PRKACA: variants seen among roughly 807,000 people sequenced by gnomAD.
PRKACA encodes the protein protein kinase cAMP-activated catalytic subunit alpha.
In PRKACA, 9 loss-of-function variants were observed where a neutral mutation model predicts 45.8. The observed-to-expected ratio is 0.20, with a 90% CI of 0.12 to 0.34. The LOEUF (loss-of-function observed/expected upper bound fraction) is 0.34, where lower values mean the gene tolerates loss of function less well. Among genes scored for constraint, PRKACA ranks in the 10% least tolerant of loss-of-function variants. PRKACA has a pLI of 1.00. For synonymous variants in PRKACA, 160 were observed against 178.6 expected (o/e 0.90, Z 0.83); for missense variants, 238 against 458.6 (o/e 0.52, Z 4.39).
At chr19:14,096,351 GTTTT>G (rs757373093) in intron 8 of PRKACA, 3 of 108,346 alleles carry the variant, frequency 2.8e-5, no homozygotes, top group Admixed American at 8.5e-5. Context: ...CGGCCAGTTT[GTTTT>G]TTTTTTTTTT....
intron 8 of PRKACA, among the ~76,000 whole-genome samples, chr19:14,094,026 G>C (rs896238130): frequency 2.6e-5 from 4 of 151,978 alleles, no homozygotes; most frequent in Non-Finnish European, 4.4e-5. Context: ...TCAAGAGTTA[G>C]TTATTTTAAG....
chr19:14,103,939 C>T (rs759228087), intron 3 of PRKACA, among the ~76,000 whole-genome samples: 3 of 152,102 alleles, frequency 2.0e-5, no homozygotes, highest in Non-Finnish European at 4.4e-5. Context: ...ATTAGCTGGG[C>T]ATGGCACGAC....
Position 14,092,946 on chromosome 19 carries a change from G to A in PRKACA, c.*166C>T. On this transcript the variant is annotated 3_prime_UTR_variant, in exon 10 of 10. Coordinates refer to ENST00000308677, the MANE Select transcript of PRKACA (RefSeq NM_002730.4). ...GAGCAGCTGGTGTTTCTGTCCCTCTGATTATCTGGGCTTCCTGCTCCCCCT... is the reference window on the plus strand; with the variant it reads ...GAGCAGCTGGTGTTTCTGTCCCTCTAATTATCTGGGCTTCCTGCTCCCCCT... The A allele has an allele frequency of 1.2e-6, 1 of 827,708 alleles. No homozygotes were observed. The highest frequency in any genetic ancestry group is 1.8e-6 in the Non-Finnish European group (1 of 568,416). The allele number at this position is 827,708 out of a possible 1,614,324, so 51.3% of individuals were successfully genotyped here.
chr19:14,111,969 G>T (rs1054207530), intron 1 of PRKACA, among the ~76,000 whole-genome samples: 1 of 152,280 alleles, frequency 6.6e-6, no homozygotes, highest in East Asian at 1.9e-4. Context: ...GCACCTCCCC[G>T]ACTCGCTGAG....
intron 1 of PRKACA, chr19:14,112,289 G>A (rs1966988563): frequency 6.6e-6 from 1 of 152,400 alleles, no homozygotes; most frequent in African/African-American, 2.4e-5. Flanking sequence ...GGGATGGGGT[G>A]ATCTGGCGGC....
intron 8 of PRKACA, among the ~76,000 whole-genome samples, chr19:14,094,185 GAAAAAAAA>G (rs940405502): frequency 0.011 from 660 of 58,948 alleles, 9 homozygotes; most frequent in Admixed American, 0.046. Flanking sequence ...TTCTTTTTTT[GAAAAAAAA>G]AAAAAAAAAA....
In PRKACA at chr19:14,117,660, G is replaced by T; in HGVS notation, c.-113C>A. On this transcript the variant is annotated 5_prime_UTR_variant, in exon 1 of 10. Transcript: ENST00000308677. ...GGCGGCGGCGGCCCTCGGGCTGGCTGCGCTAGCTGCGGCGCCGCGACCCCC... is the reference window on the plus strand; with the variant it reads ...GGCGGCGGCGGCCCTCGGGCTGGCTTCGCTAGCTGCGGCGCCGCGACCCCC... The T allele has an allele frequency of 1.9e-6, 1 of 539,540 alleles. No homozygotes were observed. The highest frequency in any genetic ancestry group is 2.4e-6 in the Non-Finnish European group (1 of 424,328). The allele number at this position is 539,540 out of a possible 1,614,324, so 33.4% of individuals were successfully genotyped here.
At chr19:14,113,621 A>G (rs1402729054) in intron 1 of PRKACA, among the ~76,000 whole-genome samples, 2 of 152,164 alleles carry the variant, frequency 1.3e-5, no homozygotes, top group African/African-American at 4.8e-5. Flanking sequence ...TCCGGACAAC[A>G]ATCTCAGACC....
At chr19:14,096,125 G>A (rs934775319) in intron 8 of PRKACA, among the ~76,000 whole-genome samples, 4 of 134,022 alleles carry the variant, frequency 3.0e-5, no homozygotes, top group Non-Finnish European at 4.6e-5. Flanking sequence ...TGCAACCTCC[G>A]CCTCCTGGGT....
intron 1 of PRKACA, among the ~76,000 whole-genome samples, chr19:14,110,484 A>G (rs1043229847): frequency 1.4e-4 from 21 of 151,756 alleles, no homozygotes; most frequent in African/African-American, 4.8e-4. Flanking sequence ...AGGTGGGAGG[A>G]TTGTTCAAGC....
At position 14,100,957 on chromosome 19, in the gene PRKACA, C is replaced by T. The variant is rs28730843; in HGVS notation, c.337-49G>A. The T allele has an allele frequency of 2.6e-3, 4,004 of 1,549,674 alleles. 52 individuals carry two copies. The African/African-American group carries it at 0.033, about 13-fold the overall frequency. ...AGGGCCCACCCCTGAGACTTGGACC[C>T]GATCTGAAGGCCTTGGGGGCCTCCC... On this transcript the variant is annotated intron_variant, in intron 4 of 9. Coordinates refer to ENST00000308677, the MANE Select transcript of PRKACA (RefSeq NM_002730.4).
At chr19:14,107,680 C>T in intron 1 of PRKACA, 1 of 1,279,924 alleles carries the variant, frequency 7.8e-7, no homozygotes, top group Non-Finnish European at 9.9e-7. Flanking sequence ...CCCAGGCAGA[C>T]CAGCCCACCC....
In PRKACA at chr19:14,106,858, T is replaced by G. The variant is rs1295773581; in HGVS notation, c.139A>C (p.Ile47Leu). The change falls in exon 3 of 10, where the codon ATC (isoleucine) becomes CTC (leucine). Residue 47 changes from isoleucine to leucine, a missense_variant. By Grantham distance (5) the Ile-to-Leu change is conservative. Transcript: ENST00000308677. ...AAGGAGCCCGTGCCGAGGGTCTTGA[T>G]TCGTTCAAACTGATCCAAGTGGGCT... ...NTAHLDQFER[I>L]KTLGTGSFGR... is the part of the protein sequence containing the mutation. The G allele has an allele frequency of 1.2e-5, 20 of 1,614,016 alleles. No individual in the cohort carries two copies. The highest frequency in any genetic ancestry group is 1.6e-5 in the Non-Finnish European group (19 of 1,179,994).
At chr19:14,110,416 A>G (rs1482757334) in intron 1 of PRKACA, among the ~76,000 whole-genome samples, 1 of 151,994 alleles carries the variant, frequency 6.6e-6, no homozygotes, top group African/African-American at 2.4e-5. Context: ...TACAAAAAAT[A>G]AAAACATTAG....
chr19:14,115,170 G>A (rs1459211885), intron 1 of PRKACA: 1 of 936,394 alleles, frequency 1.1e-6, no homozygotes, highest in Non-Finnish European at 1.3e-6. Context: ...CCCATTGGCA[G>A]AACATGACAT....
At chr19:14,111,175 A>G (rs1158619347) in intron 1 of PRKACA, among the ~76,000 whole-genome samples, 1 of 152,228 alleles carries the variant, frequency 6.6e-6, no homozygotes. Context: ...AGACAGGCAG[A>G]TCACCTGAGG....
chr19:14,111,765 A>G (rs1398351391), intron 1 of PRKACA, among the ~76,000 whole-genome samples: 7 of 152,200 alleles, frequency 4.6e-5, no homozygotes, highest in Non-Finnish European at 1.0e-4. Flanking sequence ...TTGTGACAGA[A>G]AACATCTTCC....
intron 8 of PRKACA, among the ~76,000 whole-genome samples, 162 bp from the exon 9 acceptor site, chr19:14,093,954 CCAATTTAGGAAG>C (rs1977171283): frequency 6.6e-6 from 1 of 152,098 alleles, no homozygotes; most frequent in African/African-American, 2.4e-5. Flanking sequence ...CCTACAGTTT[CCAATTTAGGAAG>C]TCTGATACTG....
chr19:14,095,054 C>T (rs958892315), intron 8 of PRKACA, among the ~76,000 whole-genome samples: 5 of 152,200 alleles, frequency 3.3e-5, no homozygotes, highest in Admixed American at 6.5e-5. Context: ...ATACCACTGA[C>T]GGTGCGGGGG....
Sources: gnomAD v4.1 joint callset for allele counts (sites outside exome capture counted in the v4.1 genomes callset) on GRCh38, gnomAD v4.1.1 for gene constraint, MANE v1.5 for transcripts, NCBI Gene and HGNC (gene_info 2026-07-23, HGNC 2026-07-21) for gene names.